The following BTBD9 variants were observed in gnomAD, a reference collection of about 807,000 sequenced individuals.
BTBD9 encodes the protein BTB/POZ domain-containing protein 9.
BTBD9 carries 49 observed loss-of-function variants against 64.3 expected under a neutral mutation model. That is an observed-to-expected ratio of 0.76 (90% CI 0.61 to 0.97). BTBD9 has a LOEUF of 0.97. Among genes scored for constraint, BTBD9 ranks in the 50% least tolerant of loss-of-function variants. The pLI, the probability that BTBD9 is intolerant of heterozygous loss-of-function variation, is 0.00. For synonymous variants in BTBD9, 260 were observed against 274.7 expected (o/e 0.95, Z 0.53); for missense variants, 598 against 762.1 (o/e 0.78, Z 2.53).
In BTBD9 at chr6:38,223,970, T is replaced by C. The variant is rs562765213; in HGVS notation, c.1563-31373A>G. On this transcript the variant is annotated intron_variant, in intron 9 of 10. Transcript: ENST00000481247. The stretch of plus-strand genomic sequence containing the variant: ...GCTCACATCTGTAATCCCAGAATTT[T>C]TGGAGGCCAAAGCAGGCTGACTGCT... Among the ~76,000 whole-genome samples, 4 of 152,262 alleles carry C rather than the reference T, an allele frequency of 2.6e-5. No homozygotes were observed. The East Asian group carries it at 7.7e-4, about 29-fold the overall frequency.
At chr6:38,525,478 G>A (rs981113391) in intron 6 of BTBD9, among the ~76,000 whole-genome samples, 16 of 152,204 alleles carry the variant, frequency 1.1e-4, no homozygotes, top group Non-Finnish European at 1.8e-4. Flanking sequence ...TAAAGATACA[G>A]AGAATGTGGA....
rs200203365 is a variant in BTBD9 at position 38,498,015 on chromosome 6, G to A, written c.1154+79585C>T. Among the ~76,000 whole-genome samples the A allele has an allele frequency of 7.2e-5, 11 of 152,322 alleles. No individual in the cohort carries two copies. In the East Asian group the frequency reaches 2.1e-3, roughly 29 times the overall value. On this transcript the variant is annotated intron_variant, in intron 6 of 10. Coordinates refer to ENST00000481247, the MANE Select transcript of BTBD9 (RefSeq NM_001099272.2). ...TGAGATGCCCCTTGGTCTCAATACT[G>A]TTATGTTTGAATCTTGTTGGCTTTA...
intron 7 of BTBD9, among the ~76,000 whole-genome samples, chr6:38,316,178 A>G (rs1019684708): frequency 6.6e-6 from 1 of 151,984 alleles, no homozygotes; most frequent in Non-Finnish European, 1.5e-5. Context: ...GTATCACTTT[A>G]GTTTCAGTCT....
At chr6:38,450,238 T>C (rs1014679709) in intron 6 of BTBD9, among the ~76,000 whole-genome samples, 1 of 152,170 alleles carries the variant, frequency 6.6e-6, no homozygotes, top group Non-Finnish European at 1.5e-5. Flanking sequence ...CAGAGTGAAA[T>C]GGTGATTACC....
chr6:38,443,902 CG>C (rs1562195590), intron 6 of BTBD9, among the ~76,000 whole-genome samples: 1 of 152,200 alleles, frequency 6.6e-6, no homozygotes, highest in East Asian at 1.9e-4. Context: ...TTCTTCAAAA[CG>C]GAGCGGTTTT....
intron 6 of BTBD9, among the ~76,000 whole-genome samples, chr6:38,415,170 T>C (rs1451499125): frequency 2.0e-5 from 3 of 152,124 alleles, no homozygotes; most frequent in Non-Finnish European, 4.4e-5. Flanking sequence ...CATGTCCATA[T>C]CCTACTCCCC....
At chr6:38,573,353 T>A (rs959232880) in intron 6 of BTBD9, among the ~76,000 whole-genome samples, 2 of 152,084 alleles carry the variant, frequency 1.3e-5, no homozygotes, top group Non-Finnish European at 2.9e-5. Flanking sequence ...GAGAGATATT[T>A]CCATTTTGAT....
chr6:38,275,738 C>CATGAAAAA (rs1282410964), intron 8 of BTBD9, among the ~76,000 whole-genome samples: 1 of 152,158 alleles, frequency 6.6e-6, no homozygotes, highest in Non-Finnish European at 1.5e-5. Flanking sequence ...GCCAAAAACA[C>CATGAAAAA]ATGAAAAAAT....
intron 6 of BTBD9, among the ~76,000 whole-genome samples, chr6:38,532,572 CT>C (rs1238170654): frequency 6.6e-6 from 1 of 152,082 alleles, no homozygotes; most frequent in Non-Finnish European, 1.5e-5. Context: ...AGGACTTTGT[CT>C]TACATCTTGG....
At position 38,596,144 on chromosome 6, in the gene BTBD9, A is replaced by G. The variant is rs909129272; in HGVS notation, c.185+1766T>C. ...AATTAACATTCCTTTGCACATGAAT[A>G]CAGTCAGCATTGAGAACCTGTCTAA... On this transcript the variant is annotated intron_variant, in intron 2 of 10. Coordinates refer to ENST00000481247, the MANE Select transcript of BTBD9 (RefSeq NM_001099272.2). 2.0e-5 allele frequency: 16 copies of G among 784,060 alleles called. No individual in the cohort carries two copies. The African/African-American group carries it at 3.0e-4, about 15-fold the overall frequency. The allele number at this position is 784,060 out of a possible 1,614,324, so 48.6% of individuals were successfully genotyped here. A position where few individuals can be genotyped will look rare whatever the true frequency, so the allele number is the denominator to read the frequency against.
intron 7 of BTBD9, among the ~76,000 whole-genome samples, chr6:38,307,718 CATCTT>C (rs1383713660): frequency 3.3e-4 from 50 of 152,318 alleles, no homozygotes; most frequent in African/African-American, 1.2e-3. Flanking sequence ...GCCCAAATCA[CATCTT>C]ATCTTAAGAT....
chr6:38,262,763 T>C (rs956194146), intron 8 of BTBD9, among the ~76,000 whole-genome samples: 1 of 152,224 alleles, frequency 6.6e-6, no homozygotes, highest in Non-Finnish European at 1.5e-5. Context: ...AGCATTTTAA[T>C]TGGAAAGTCT....
At chr6:38,337,530 T>C (rs768909584) in intron 7 of BTBD9, among the ~76,000 whole-genome samples, 55 of 152,344 alleles carry the variant, frequency 3.6e-4, no homozygotes, top group African/African-American at 1.2e-3. Flanking sequence ...CCATTCTTCA[T>C]GAAGCCTTAT....
intron 7 of BTBD9, among the ~76,000 whole-genome samples, chr6:38,328,957 A>AG (rs397943652): frequency 7.3e-6 from 1 of 136,606 alleles, no homozygotes; most frequent in East Asian, 2.3e-4. Flanking sequence ...AAAAAAAAAA[A>AG]GAAAGAAAAT....
intron 6 of BTBD9, among the ~76,000 whole-genome samples, chr6:38,498,242 G>A (rs1346280531): frequency 6.6e-6 from 1 of 152,132 alleles, no homozygotes; most frequent in Non-Finnish European, 1.5e-5. Flanking sequence ...CCACAACTAG[G>A]TTGTTCCAGG....
At chr6:38,569,269 T>C (rs1367124594) in intron 6 of BTBD9, among the ~76,000 whole-genome samples, 1 of 152,238 alleles carries the variant, frequency 6.6e-6, no homozygotes, top group Non-Finnish European at 1.5e-5. Context: ...TTTTTATGTC[T>C]GGCACCTAAA....
intron 6 of BTBD9, among the ~76,000 whole-genome samples, chr6:38,476,535 T>G (rs1715897375): frequency 6.6e-6 from 1 of 152,252 alleles, no homozygotes; most frequent in Admixed American, 6.5e-5. Context: ...TTCATTTGAA[T>G]CCTGCTTTGC....
chr6:38,251,976 G>C (rs1210963177), intron 9 of BTBD9, among the ~76,000 whole-genome samples: 1 of 151,980 alleles, frequency 6.6e-6, no homozygotes, highest in South Asian at 2.1e-4. Context: ...AGAAAGAGGG[G>C]TAAAATGTAA....
At chr6:38,541,523 G>A (rs1004499348) in intron 6 of BTBD9, among the ~76,000 whole-genome samples, 1 of 152,290 alleles carries the variant, frequency 6.6e-6, no homozygotes, top group Non-Finnish European at 1.5e-5. Flanking sequence ...CGGATCACGA[G>A]GTCAGGAGAT....
Sources: gnomAD v4.1 joint callset for allele counts (sites outside exome capture counted in the v4.1 genomes callset) on GRCh38, gnomAD v4.1.1 for gene constraint, MANE v1.5 for transcripts, NCBI Gene and HGNC (gene_info 2026-07-23, HGNC 2026-07-21) for gene names.